FNIP2: variants seen among roughly 807,000 people sequenced by gnomAD.
FNIP2 encodes the protein folliculin interacting protein 2, also known as folliculin-interacting protein 2.
In FNIP2, 32 loss-of-function variants were observed where a neutral mutation model predicts 108.7. That is an observed-to-expected ratio of 0.29 (90% CI 0.22 to 0.40). The LOEUF (loss-of-function observed/expected upper bound fraction) is 0.40. Ranked by LOEUF, FNIP2 falls within the 10% of genes least tolerant of loss-of-function variation. FNIP2 has a pLI of 1.00. For missense variants in FNIP2, 1,202 were observed against 1,381.6 expected, an observed-to-expected ratio of 0.87 and a Z score of 2.06; for synonymous variants, 480 against 496.7, an observed-to-expected ratio of 0.97 and a Z score of 0.45.
chr4:158,866,663 C>T (rs1780601286), intron 12 of FNIP2, among the ~76,000 whole-genome samples: 2 of 151,778 alleles, frequency 1.3e-5, no homozygotes, highest in Non-Finnish European at 2.9e-5. Context: ...GCAATGTCTG[C>T]CTCCCGGGTT....
At chr4:158,833,800 G>A in intron 6 of FNIP2, 172 bp downstream of exon 6, 1 of 1,521,718 alleles carries the variant, frequency 6.6e-7, no homozygotes, top group Non-Finnish European at 8.8e-7. Context: ...TCCATCTCTA[G>A]GTCTGCTGCA....
At position 158,825,921 on chromosome 4, in the gene FNIP2, C is replaced by A; in HGVS notation, c.113C>A (p.Ser38Ter). The change falls in exon 2 of 17, where the codon TCA becomes TAA. Residue 38 changes from serine to a stop codon, truncating the protein, a stop_gained. Coordinates refer to ENST00000264433, the MANE Select transcript of FNIP2 (RefSeq NM_020840.3). LOFTEE classifies it high-confidence loss of function. Reference protein sequence around the residue: ...APKEGPAFSWSCSEFDLNEIR... With the variant: ...APKEGPAFSW ...TTGCCCTTTTTAATCCACAGTTGGT[C>A]ATGTTCGGAGTTTGACCTGAATGAG... 3 of 1,605,962 alleles carry A rather than the reference C, an allele frequency of 1.9e-6. No individual in the cohort carries two copies. In the South Asian group the frequency reaches 3.3e-5, roughly 18 times the overall value.
chr4:158,805,118 C>A (rs1453478251), intron 1 of FNIP2, among the ~76,000 whole-genome samples: 1 of 152,140 alleles, frequency 6.6e-6, no homozygotes, highest in Non-Finnish European at 1.5e-5. Context: ...ATGGCAAAAA[C>A]CGCAATTACT....
At position 158,841,280 on chromosome 4, in the gene FNIP2, G is replaced by A. The variant is rs113033141; in HGVS notation, c.727+5804G>A. ...GCTGGGGTGAGGGTTCCTGCATATG[G>A]TTTGAAATTCTCACTGGTACCAAAG... On this transcript the variant is annotated intron_variant, in intron 7 of 16. Transcript: ENST00000264433. Among the ~76,000 whole-genome samples, 599 of 152,264 alleles carry A rather than the reference G, an allele frequency of 3.9e-3. 1 individual carries two copies. The highest frequency in any genetic ancestry group is 0.013 in the African/African-American group (549 of 41,564).
chr4:158,798,590 A>C, intron 1 of FNIP2, among the ~76,000 whole-genome samples: 1 of 152,210 alleles, frequency 6.6e-6, no homozygotes, highest in South Asian at 2.1e-4. Flanking sequence ...GGTTTGGTTC[A>C]TGTATCATCA....
intron 14 of FNIP2, among the ~76,000 whole-genome samples, chr4:158,883,997 G>A (rs1781874092): frequency 7.5e-6 from 1 of 132,860 alleles, no homozygotes; most frequent in Admixed American, 8.7e-5. Context: ...CTGTAGAGCA[G>A]TACTGTGTTC....
intron 1 of FNIP2, among the ~76,000 whole-genome samples, chr4:158,784,244 C>T (rs909522813): frequency 5.3e-4 from 80 of 152,168 alleles, no homozygotes; most frequent in African/African-American, 1.8e-3. Flanking sequence ...TTTTCTATTC[C>T]GTCCTCCAAA....
chr4:158,814,542 A>G lies in FNIP2; in HGVS notation c.108-11374A>G, dbSNP rs924015980. 1.1e-4 allele frequency among the ~76,000 whole-genome samples: 16 copies of G among 152,334 alleles called. No individual in the cohort carries two copies. The South Asian group carries it at 1.2e-3, about 12-fold the overall frequency. On this transcript the variant is annotated intron_variant, in intron 1 of 16. Transcript: ENST00000264433. ...TGGAATTGGTGTCTCTAGGCTCTGC[A>G]TGAATTATGCAGTAAAAAAGGCAGT... is the stretch of plus-strand genomic sequence containing the variant.
At chr4:158,860,689 G>A (rs531901018) in intron 10 of FNIP2, among the ~76,000 whole-genome samples, 5 of 136,000 alleles carry the variant, frequency 3.7e-5, no homozygotes, top group South Asian at 2.3e-4. Flanking sequence ...ACTGAGTCTC[G>A]CTCTGTCACC....
chr4:158,901,128 A>ATTTTT lies in FNIP2; in HGVS notation c.3267-3320_3267-3316dup, dbSNP rs140017298. Among the ~76,000 whole-genome samples, 98 of 112,280 alleles carry ATTTTT rather than the reference A, an allele frequency of 8.7e-4. 1 individual carries two copies. The highest frequency in any genetic ancestry group is 1.1e-3 in the South Asian group (4 of 3,512). 73.7% of individuals were successfully genotyped at this position (112,280 alleles called of 152,430 possible). ...GCTGGATATGAAATTCTGGGTTGAA[A>ATTTTT]TTTTTTTTTTTTTTTTTTTTTTGAG... On this transcript the variant is annotated intron_variant, in intron 16 of 16. Transcript: ENST00000264433.
At chr4:158,878,247 G>A (rs912082589) in intron 14 of FNIP2, among the ~76,000 whole-genome samples, 2 of 152,148 alleles carry the variant, frequency 1.3e-5, no homozygotes, top group African/African-American at 4.8e-5. Context: ...AGATTCACCC[G>A]AGGATGAAAG....
chr4:158,895,663 A>T (rs985280183), intron 15 of FNIP2, 87 bp from the exon 16 acceptor site: 2 of 805,554 alleles, frequency 2.5e-6, no homozygotes, highest in African/African-American at 1.7e-5. Context: ...CTGTGTAGTT[A>T]GAAATGAATT....
intron 14 of FNIP2, among the ~76,000 whole-genome samples, chr4:158,883,780 CTAA>C (rs1229357520): frequency 6.6e-6 from 1 of 152,082 alleles, no homozygotes; most frequent in African/African-American, 2.4e-5. Flanking sequence ...GTGTTTTCTC[CTAA>C]TGACAATAAA....
intron 1 of FNIP2, chr4:158,806,246 A>G: frequency 7.8e-7 from 1 of 1,289,334 alleles, no homozygotes; most frequent in Non-Finnish European, 1.0e-6. Flanking sequence ...ACCGTTCAGG[A>G]GATGTGCGGC....
chr4:158,904,406 T>C, intron 16 of FNIP2, 60 bp from the exon 17 acceptor site: 1 of 1,381,636 alleles, frequency 7.2e-7, no homozygotes, highest in Non-Finnish European at 1.0e-6. Context: ...AAAGAAATAA[T>C]ACTTTCTCAT....
At chr4:158,850,220 A>T (rs2126647704) in intron 7 of FNIP2, among the ~76,000 whole-genome samples, 1 of 152,316 alleles carries the variant, frequency 6.6e-6, no homozygotes, top group African/African-American at 2.4e-5. Context: ...TACCAAAATC[A>T]ATTTCCTTTG....
At chr4:158,882,197 C>A (rs149170475) in intron 14 of FNIP2, among the ~76,000 whole-genome samples, 4 of 150,452 alleles carry the variant, frequency 2.7e-5, no homozygotes, top group African/African-American at 7.3e-5. Context: ...AGCAGCCGCC[C>A]CGTCTGAGAA....
chr4:158,887,706 C>T (rs967850912), intron 14 of FNIP2, among the ~76,000 whole-genome samples: 1 of 125,286 alleles, frequency 8.0e-6, no homozygotes, highest in African/African-American at 3.0e-5. Flanking sequence ...TACTGCACTC[C>T]AGCCTGGGTG....
chr4:158,896,599 A>G (rs1782695668), intron 16 of FNIP2, among the ~76,000 whole-genome samples: 1 of 152,166 alleles, frequency 6.6e-6, no homozygotes. Context: ...CTCCTAAGAG[A>G]CTGGGGCCTT....
Sources: allele counts gnomAD v4.1 joint callset (sites outside exome capture counted in the v4.1 genomes callset), GRCh38; gene constraint gnomAD v4.1.1; transcripts MANE v1.5; gene names NCBI Gene and HGNC (gene_info 2026-07-23, HGNC 2026-07-21).